CAMK1D: variants seen among roughly 807,000 people sequenced by gnomAD.
CAMK1D encodes calcium/calmodulin dependent protein kinase ID.
A neutral mutation model predicts 47.7 loss-of-function variants in CAMK1D; 9 were observed. The observed-to-expected ratio is 0.19, with a 90% CI of 0.11 to 0.33. CAMK1D has a LOEUF of 0.33. Ranked by LOEUF, CAMK1D falls within the 10% of genes least tolerant of loss-of-function variation. The probability of loss-of-function intolerance (pLI) is 1.00; values close to 1 mark genes in which losing one functional copy is unlikely to be tolerated. For synonymous variants in CAMK1D, 184 were observed against 184.9 expected (o/e 0.99, Z 0.04); for missense variants, 291 against 488.7 (o/e 0.60, Z 3.81).
At chr10:12,418,322 T>C (rs1345178697) in intron 1 of CAMK1D, among the ~76,000 whole-genome samples, 1 of 152,168 alleles carries the variant, frequency 6.6e-6, no homozygotes, top group Non-Finnish European at 1.5e-5. Flanking sequence ...GAGATGGAGA[T>C]GGGCTGGGCA....
At chr10:12,653,111 T>G (rs1840023866) in intron 2 of CAMK1D, 1 of 154,332 alleles carries the variant, frequency 6.5e-6, no homozygotes, top group African/African-American at 2.4e-5. Context: ...CCTGAGGCAT[T>G]GTGGGGCATC....
intron 1 of CAMK1D, among the ~76,000 whole-genome samples, chr10:12,429,945 A>ACACTGCCCCAG (rs1448448468): frequency 6.6e-6 from 1 of 152,008 alleles, no homozygotes; most frequent in African/African-American, 2.4e-5. Context: ...TCTTAGAACA[A>ACACTGCCCCAG]CACTGCCCCA....
chr10:12,588,589 A>C (rs1050253649), intron 2 of CAMK1D, among the ~76,000 whole-genome samples: 1 of 152,002 alleles, frequency 6.6e-6, no homozygotes, highest in Non-Finnish European at 1.5e-5. Flanking sequence ...CCTGGCATGC[A>C]GATCTCCTGC....
chr10:12,734,709 AC>A (rs1029586530), intron 3 of CAMK1D, among the ~76,000 whole-genome samples: 1 of 150,878 alleles, frequency 6.6e-6, no homozygotes, highest in African/African-American at 2.4e-5. Context: ...TTGGGCACCA[AC>A]CTCTCCCTAC....
chr10:12,433,551 G>A (rs887031697), intron 1 of CAMK1D, among the ~76,000 whole-genome samples: 5 of 152,158 alleles, frequency 3.3e-5, no homozygotes, highest in Non-Finnish European at 7.3e-5. Flanking sequence ...AGAATGCATC[G>A]AGTTTTGGAG....
rs184487527 is a variant in CAMK1D, at chr10:12,736,700, T to C, written c.300-24248T>C. ...TGTGCTTCCAAACTTTTTTTCTTCC[T>C]CCTGGGATGCTTCTTTTGATGAATA... On this transcript the variant is annotated intron_variant, in intron 3 of 10. Coordinates refer to ENST00000619168, the MANE Select transcript of CAMK1D (RefSeq NM_153498.4). 1.8e-4 allele frequency among the ~76,000 whole-genome samples: 18 copies of C among 99,928 alleles called. No individual in the cohort carries two copies. The East Asian group carries it at 5.7e-3, about 31-fold the overall frequency. 65.6% of individuals were successfully genotyped at this position (99,928 alleles called of 152,430 possible).
At chr10:12,717,199 C>T (rs1480661179) in intron 3 of CAMK1D, among the ~76,000 whole-genome samples, 1 of 152,038 alleles carries the variant, frequency 6.6e-6, no homozygotes, top group African/African-American at 2.4e-5. Context: ...ACATTTACTC[C>T]AATTTTTTGG....
chr10:12,451,985 C>T (rs61847420), intron 1 of CAMK1D, among the ~76,000 whole-genome samples: 19,825 of 152,142 alleles, frequency 0.13, 1,629 homozygotes, highest in East Asian at 0.46. Flanking sequence ...CCTCCTTTTC[C>T]AAGTGGCCAA....
At chr10:12,596,365 CG>C (rs1838147156) in intron 2 of CAMK1D, among the ~76,000 whole-genome samples, 1 of 152,012 alleles carries the variant, frequency 6.6e-6, no homozygotes, top group Admixed American at 6.6e-5. Flanking sequence ...CTCCAGCTAG[CG>C]GTTTGCCTTA....
chr10:12,527,249 C>T (rs1305877543), intron 1 of CAMK1D, among the ~76,000 whole-genome samples: 14 of 151,194 alleles, frequency 9.3e-5, no homozygotes, highest in Admixed American at 9.2e-4. Flanking sequence ...TGACTCTTCA[C>T]TTTTAGGGAC....
intron 1 of CAMK1D, among the ~76,000 whole-genome samples, chr10:12,435,221 CAAAA>C (rs910066372): frequency 3.4e-4 from 15 of 44,022 alleles, no homozygotes; most frequent in African/African-American, 7.6e-4. Flanking sequence ...AACTCTGTCT[CAAAA>C]AAAAAAAAAA....
chr10:12,814,128 G>A, intron 6 of CAMK1D, 67 bp from the exon 7 acceptor site: 5 of 1,046,622 alleles, frequency 4.8e-6, no homozygotes, highest in South Asian at 1.3e-5. Flanking sequence ...CTTCCTTCCA[G>A]GCAAAGTGTA....
intron 6 of CAMK1D, among the ~76,000 whole-genome samples, chr10:12,810,942 A>T (rs2131069380): frequency 6.6e-6 from 1 of 152,352 alleles, no homozygotes; most frequent in East Asian, 1.9e-4. Context: ...ATTGCAGCTG[A>T]GCTGTGAGCA....
chr10:12,657,067 C>A (rs1840138859), intron 2 of CAMK1D, among the ~76,000 whole-genome samples: 1 of 152,148 alleles, frequency 6.6e-6, no homozygotes. Context: ...TTTGTGTGCA[C>A]TTTTATGGAT....
chr10:12,700,414 C>G (rs1262506326), intron 3 of CAMK1D, among the ~76,000 whole-genome samples: 1 of 152,152 alleles, frequency 6.6e-6, no homozygotes, highest in Non-Finnish European at 1.5e-5. Context: ...AACTCAGTAT[C>G]ATGAGAACAG....
At chr10:12,524,941 CTT>C (rs1835570008) in intron 1 of CAMK1D, among the ~76,000 whole-genome samples, 1 of 152,002 alleles carries the variant, frequency 6.6e-6, no homozygotes, top group African/African-American at 2.4e-5. Flanking sequence ...TTTTCTGTCT[CTT>C]TTTTCCTTCA....
chr10:12,512,736 A>G (rs1217867415), intron 1 of CAMK1D, among the ~76,000 whole-genome samples: 2 of 152,054 alleles, frequency 1.3e-5, no homozygotes, highest in Non-Finnish European at 2.9e-5. Context: ...TTCAGCTGAG[A>G]AGAGAGATTG....
intron 3 of CAMK1D, among the ~76,000 whole-genome samples, chr10:12,722,004 CCCTT>C (rs1834398257): frequency 6.6e-6 from 1 of 151,408 alleles, no homozygotes; most frequent in South Asian, 2.1e-4. Context: ...TTTCTGAGGT[CCCTT>C]TTATAAGGGC....
intron 1 of CAMK1D, among the ~76,000 whole-genome samples, chr10:12,512,634 T>C (rs1002254274): frequency 1.1e-4 from 16 of 152,330 alleles, no homozygotes; most frequent in African/African-American, 3.8e-4. Flanking sequence ...TAGTGGCTAC[T>C]GGGGCATCGT....
Sources: allele counts gnomAD v4.1 joint callset (sites outside exome capture counted in the v4.1 genomes callset), GRCh38; gene constraint gnomAD v4.1.1; transcripts MANE v1.5; gene names NCBI Gene and HGNC (gene_info 2026-07-23, HGNC 2026-07-21).